Variants in INPP5F observed in about 807,000 individuals in gnomAD.
INPP5F encodes inositol polyphosphate-5-phosphatase F, also known as phosphatidylinositide 4-phosphatase SAC2.
INPP5F carries 97 observed loss-of-function variants against 137.2 expected under a neutral mutation model. The ratio of observed to expected loss-of-function variants is 0.71; its 90% CI spans 0.60 to 0.84. The LOEUF (loss-of-function observed/expected upper bound fraction) is 0.84. Among genes scored for constraint, INPP5F ranks in the 40% least tolerant of loss-of-function variants. The probability of loss-of-function intolerance (pLI) is 0.00; values close to 1 mark genes in which losing one functional copy is unlikely to be tolerated. For synonymous variants in INPP5F, 504 were observed against 476.9 expected (o/e 1.06, Z -0.74); for missense variants, 1,271 against 1,371.9 (o/e 0.93, Z 1.16).
intron 1 of INPP5F, among the ~76,000 whole-genome samples, chr10:119,728,135 G>A (rs2134094214): frequency 6.6e-6 from 1 of 152,306 alleles, no homozygotes; most frequent in East Asian, 1.9e-4. Context: ...TTTGGGGGAG[G>A]AAAGTAGCTA....
In INPP5F at chr10:119,810,126, G is replaced by A. The variant is rs918860010; in HGVS notation, c.1596G>A (p.Arg532=). The part of the protein sequence containing the change: ...LKGDFTRTGE[R]KLAGVMKDGV... ...GTGACTTTACAAGGACAGGAGAAAG[G>A]AAGTTAGCAGGAGTTATGAAAGATG... Residue 532 remains arginine (R), a synonymous_variant, in exon 14 of 20, where the codon AGG becomes AGA. Transcript: ENST00000650623. 10 of 1,612,278 alleles carry A rather than the reference G, an allele frequency of 6.2e-6. No homozygotes were observed. The highest frequency in any genetic ancestry group is 2.7e-5 in the African/African-American group (2 of 74,846).
intron 16 of INPP5F, among the ~76,000 whole-genome samples, chr10:119,821,750 C>CTG (rs67350306): frequency 0.16 from 24,875 of 150,918 alleles, 2,216 homozygotes; most frequent in South Asian, 0.44. Flanking sequence ...GTCTCTTGCT[C>CTG]TGTGTGTGTG....
intron 2 of INPP5F, among the ~76,000 whole-genome samples, chr10:119,776,136 A>G (rs1335847961): frequency 1.3e-5 from 2 of 152,204 alleles, no homozygotes; most frequent in Non-Finnish European, 2.9e-5. Context: ...CTAAAATTTG[A>G]GTCCAATTTC....
Position 119,827,733 on chromosome 10 carries a change from C to G in INPP5F, c.3352C>G (p.Leu1118Val). 1 of 1,613,382 alleles carries G rather than the reference C, an allele frequency of 6.2e-7. No individual in the cohort carries two copies. Among genetic ancestry groups the G allele is most frequent in the Non-Finnish European group, 8.5e-7 (1 of 1,179,612 alleles). ...CATTAATCAAGTCCAGCAAAATGAA[C>G]TTAAAAAGATGTTTATACAATGCCA... ...EIINQVQQNE[L>V]KKMFIQCQTR... Residue 1118 changes from leucine (L) to valine (V), a missense_variant, in exon 20 of 20, where the codon CTT becomes GTT. Transcript: ENST00000650623.
At chr10:119,772,255 A>G (rs1849388816) in intron 2 of INPP5F, among the ~76,000 whole-genome samples, 2 of 151,956 alleles carry the variant, frequency 1.3e-5, no homozygotes, top group African/African-American at 4.8e-5. Flanking sequence ...TTATTGAGGA[A>G]CTGTTGCACA....
Position 119,726,213 on chromosome 10 carries a change from C to A in INPP5F, c.-50C>A. 7.9e-7 allele frequency: 1 copy of A among 1,265,884 alleles called. No homozygotes were observed. The allele number at this position is 1,265,884 out of a possible 1,614,324, so 78.4% of individuals were successfully genotyped here. ...CTGGCGGCCTCGACCGACTAGGACGCCCCGTGCGCCGCCCGCGGGCCGCCG... is the reference window on the plus strand; with the variant it reads ...CTGGCGGCCTCGACCGACTAGGACGACCCGTGCGCCGCCCGCGGGCCGCCG... On this transcript the variant is annotated 5_prime_UTR_variant, in exon 1 of 20. Transcript: ENST00000650623.
At chr10:119,801,492 T>C (rs897541595) in intron 9 of INPP5F, among the ~76,000 whole-genome samples, 4 of 152,234 alleles carry the variant, frequency 2.6e-5, no homozygotes, top group Admixed American at 2.6e-4. Flanking sequence ...ATTTTACATT[T>C]GAATTTGTTT....
chr10:119,767,872 C>T (rs1198703743), intron 2 of INPP5F, among the ~76,000 whole-genome samples: 1 of 152,134 alleles, frequency 6.6e-6, no homozygotes, highest in Non-Finnish European at 1.5e-5. Flanking sequence ...CTAAGTATAA[C>T]CTTAAAACCA....
chr10:119,766,767 T>C (rs1455885855), intron 2 of INPP5F, among the ~76,000 whole-genome samples: 3 of 150,610 alleles, frequency 2.0e-5, no homozygotes, highest in Admixed American at 6.6e-5. Flanking sequence ...TTGAGACAAA[T>C]AAAAACAGAG....
chr10:119,726,287 C>CACT lies in INPP5F; in HGVS notation c.28_30dup (p.Tyr10dup). On this transcript the variant is annotated inframe_insertion, in exon 1 of 20. Transcript: ENST00000650623. Reference sequence around the variant, plus strand: ...CATGGAGCTCTTCCAAGCCAAGGACCACTACATCCTGCAGCAGGGCGAGCG... The same window carrying CACT: ...CATGGAGCTCTTCCAAGCCAAGGACCACTACTACATCCTGCAGCAGGGCGAGCG... The CACT allele has an allele frequency of 6.7e-7, 1 of 1,492,970 alleles. No homozygotes were observed. 92.5% of individuals were successfully genotyped at this position (1,492,970 alleles called of 1,614,324 possible).
At chr10:119,817,987 C>G (rs755624091) in intron 15 of INPP5F, among the ~76,000 whole-genome samples, 1 of 152,228 alleles carries the variant, frequency 6.6e-6, no homozygotes, top group Non-Finnish European at 1.5e-5. Flanking sequence ...TCTGGAAATG[C>G]GCAGTCCCAG....
chr10:119,797,506 C>A lies in INPP5F; in HGVS notation c.914C>A (p.Ala305Asp). Reference sequence around the variant, plus strand: ...GGAGTGGATAAAAATGGAAATGTTGCCAATTATGTGGAGACTGAGCAGTTG... The same window carrying A: ...GGAGTGGATAAAAATGGAAATGTTGACAATTATGTGGAGACTGAGCAGTTG... ...RRGVDKNGNV[A>D]NYVETEQLIH... Residue 305 changes from alanine to aspartate, a missense_variant, in exon 8 of 20, where the codon GCC becomes GAC. Coordinates refer to ENST00000650623, the MANE Select transcript of INPP5F (RefSeq NM_014937.4). 2 of 1,612,116 alleles carry A rather than the reference C, an allele frequency of 1.2e-6. No individual in the cohort carries two copies. The highest frequency in any genetic ancestry group is 1.7e-6 in the Non-Finnish European group (2 of 1,179,020).
intron 6 of INPP5F, among the ~76,000 whole-genome samples, chr10:119,794,621 C>T (rs1329680600): frequency 4.6e-5 from 7 of 151,370 alleles, no homozygotes; most frequent in Admixed American, 2.0e-4. Context: ...CCTCACCTCC[C>T]GTACGGGGCG....
intron 1 of INPP5F, among the ~76,000 whole-genome samples, chr10:119,733,888 A>G (rs889795201): frequency 6.6e-6 from 1 of 152,170 alleles, no homozygotes; most frequent in Non-Finnish European, 1.5e-5. Flanking sequence ...GATCCCTAGC[A>G]CCTGGCCCAT....
Position 119,740,653 on chromosome 10 carries a change from C to T in INPP5F, c.98-10423C>T, listed in dbSNP as rs657960. On this transcript the variant is annotated intron_variant, in intron 1 of 19. Coordinates refer to ENST00000650623, the MANE Select transcript of INPP5F (RefSeq NM_014937.4). ...CGCCTTCTGGTTTCAAGTGATTCTC[C>T]TGCCTCAGCCTTCCGAGTAGCTGGG... Among the ~76,000 whole-genome samples, 218 of 152,212 alleles carry T rather than the reference C, an allele frequency of 1.4e-3. 6 individuals are homozygous for T. The East Asian group carries it at 0.026, about 18-fold the overall frequency.
In INPP5F at chr10:119,729,639, T is replaced by TGATCATG. The variant is rs1847994539; in HGVS notation, c.97+3282_97+3288dup. ...TCACCCAGGCTGGAGTGCAGTGGCG[T>TGATCATG]GATCATGGCTTGCTGTAGCCCCTAC... is the stretch of plus-strand genomic sequence containing the variant. On this transcript the variant is annotated intron_variant, in intron 1 of 19. Coordinates refer to ENST00000650623, the MANE Select transcript of INPP5F (RefSeq NM_014937.4). Among the ~76,000 whole-genome samples the TGATCATG allele has an allele frequency of 2.0e-5, 3 of 151,272 alleles. No individual in the cohort carries two copies. The South Asian group carries it at 6.3e-4, about 32-fold the overall frequency.
chr10:119,798,364 T>C (rs1432871091), intron 8 of INPP5F, among the ~76,000 whole-genome samples, 179 bp from the exon 9 acceptor site: 1 of 152,162 alleles, frequency 6.6e-6, no homozygotes, highest in East Asian at 1.9e-4. Context: ...TAGTGTAGTG[T>C]AACTGGAAAA....
intron 16 of INPP5F, among the ~76,000 whole-genome samples, chr10:119,821,394 A>T (rs1383082329): frequency 1.3e-5 from 2 of 151,734 alleles, no homozygotes; most frequent in African/African-American, 4.8e-5. Flanking sequence ...TTACAAGGGT[A>T]TGATGAATTA....
At chr10:119,823,923 A>C (rs746216267) in intron 19 of INPP5F, 21 bp downstream of exon 19, 4 of 1,545,034 alleles carry the variant, frequency 2.6e-6, no homozygotes, top group Non-Finnish European at 3.6e-6. Context: ...TGCTTCTCTC[A>C]AGAATAAAGG....
Sources: allele counts gnomAD v4.1 joint callset (sites outside exome capture counted in the v4.1 genomes callset), GRCh38; gene constraint gnomAD v4.1.1; transcripts MANE v1.5; gene names NCBI Gene and HGNC (gene_info 2026-07-23, HGNC 2026-07-21).